PAPPA2: variants seen among roughly 807,000 people sequenced by gnomAD.
The protein encoded by PAPPA2 is pappalysin 2.
PAPPA2 carries 86 observed loss-of-function variants against 176.4 expected under a neutral mutation model. The ratio of observed to expected loss-of-function variants is 0.49; its 90% CI spans 0.41 to 0.58. The LOEUF is 0.58. Ranked by LOEUF, PAPPA2 falls within the 20% of genes least tolerant of loss-of-function variation. The pLI is 0.00. For missense variants in PAPPA2, 2,073 were observed against 2,256.9 expected, an observed-to-expected ratio of 0.92 and a Z score of 1.65; for synonymous variants, 809 against 852.2, an observed-to-expected ratio of 0.95 and a Z score of 0.88.
Position 176,594,956 on chromosome 1 carries a change from C to T in PAPPA2, c.1352C>T (p.Ala451Val), listed in dbSNP as rs34698817. 4.9e-4 allele frequency: 786 copies of T among 1,614,180 alleles called. 3 individuals carry two copies. The African/African-American group carries it at 7.4e-3, about 15-fold the overall frequency. ...SSQHSSGEEE[A>V]TDLVLTASFE... ...CAGCATTCAAGTGGGGAGGAGGAAG[C>T]GACTGACTTGGTCCTGACAGCGAGC... Residue 451 changes from alanine to valine, a missense_variant, in exon 3 of 23, where the codon GCG becomes GTG. Transcript: ENST00000367662.
intron 17 of PAPPA2, among the ~76,000 whole-genome samples, chr1:176,784,590 CT>C (rs146840671): frequency 1.7e-3 from 235 of 142,228 alleles, no homozygotes; most frequent in Admixed American, 1.8e-3. Context: ...AGATGATTCT[CT>C]TTTTTTTTTT....
intron 3 of PAPPA2, among the ~76,000 whole-genome samples, chr1:176,601,495 G>T (rs529032998): frequency 1.3e-5 from 2 of 152,156 alleles, no homozygotes; most frequent in Non-Finnish European, 2.9e-5. Context: ...CTATCAAAGG[G>T]AGAGTACTTA....
At chr1:176,623,973 TGG>T (rs1655862355) in intron 3 of PAPPA2, among the ~76,000 whole-genome samples, 1 of 151,780 alleles carries the variant, frequency 6.6e-6, no homozygotes, top group South Asian at 2.1e-4. Context: ...CCCAAGTAGC[TGG>T]GGCTACAGGT....
chr1:176,843,869 T>A lies in PAPPA2; in HGVS notation c.*1415T>A, dbSNP rs935932198. ...ATGTACAAAATCTGTGAGCCAGAGA[T>A]TTTGACTTGAGCAAGCCATGGAAAT... On this transcript the variant is annotated 3_prime_UTR_variant, in exon 23 of 23. Coordinates refer to ENST00000367662, the MANE Select transcript of PAPPA2 (RefSeq NM_020318.3). The A allele has an allele frequency of 6.6e-6, 1 of 152,070 alleles. No individual in the cohort carries two copies. Among genetic ancestry groups the A allele is most frequent in the Non-Finnish European group, 1.5e-5 (1 of 68,002 alleles). The allele number at this position is 152,070 out of a possible 1,614,324, so 9.4% of individuals were successfully genotyped here.
At chr1:176,812,022 C>T (rs1299683866) in intron 21 of PAPPA2, among the ~76,000 whole-genome samples, 1 of 152,042 alleles carries the variant, frequency 6.6e-6, no homozygotes, top group Non-Finnish European at 1.5e-5. Context: ...TTATGCTTGT[C>T]TAAAATTCCT....
At chr1:176,537,128 C>A (rs1043593210) in intron 1 of PAPPA2, among the ~76,000 whole-genome samples, 2 of 152,166 alleles carry the variant, frequency 1.3e-5, no homozygotes, top group African/African-American at 4.8e-5. Context: ...GATTTGTTTT[C>A]TAAAGGAAAC....
intron 21 of PAPPA2, among the ~76,000 whole-genome samples, chr1:176,805,820 C>A (rs902422261): frequency 3.3e-5 from 5 of 151,490 alleles, no homozygotes. Context: ...CTCATCTTTA[C>A]AAAAAAATGA....
intron 3 of PAPPA2, among the ~76,000 whole-genome samples, chr1:176,645,109 T>TTTTTG (rs1657322489): frequency 6.6e-6 from 1 of 151,864 alleles, no homozygotes; most frequent in Non-Finnish European, 1.5e-5. Flanking sequence ...TGAATTATTC[T>TTTTTG]TTTTTAGTTA....
At chr1:176,567,225 C>T (rs1652041480) in intron 2 of PAPPA2, among the ~76,000 whole-genome samples, 1 of 152,316 alleles carries the variant, frequency 6.6e-6, no homozygotes, top group Non-Finnish European at 1.5e-5. Flanking sequence ...CAAACAAAAA[C>T]ATCCTAGTTC....
chr1:176,623,806 T>TCTTTCTTTCTTC (rs1454350928), intron 3 of PAPPA2, among the ~76,000 whole-genome samples: 3 of 110,074 alleles, frequency 2.7e-5, no homozygotes, highest in Non-Finnish European at 5.8e-5. Flanking sequence ...TTTCTTTCTT[T>TCTTTCTTTCTTC]CTTCTTTCTT....
At chr1:176,763,414 A>G (rs555927734) in intron 14 of PAPPA2, among the ~76,000 whole-genome samples, 3 of 152,244 alleles carry the variant, frequency 2.0e-5, no homozygotes, top group Non-Finnish European at 4.4e-5. Flanking sequence ...ATGGTGGAGC[A>G]AGATGGTTGA....
intron 3 of PAPPA2, among the ~76,000 whole-genome samples, chr1:176,627,185 A>G (rs1656077243): frequency 6.6e-6 from 1 of 152,134 alleles, no homozygotes; most frequent in African/African-American, 2.4e-5. Context: ...TAATTACTCA[A>G]GTGATTTTAG....
At chr1:176,567,884 T>C (rs989765954) in intron 2 of PAPPA2, among the ~76,000 whole-genome samples, 14 of 152,148 alleles carry the variant, frequency 9.2e-5, no homozygotes, top group Admixed American at 9.2e-4. Context: ...TTTCAAAGTG[T>C]CAAATGGCAC....
At chr1:176,677,586 A>G (rs781647493) in intron 4 of PAPPA2, among the ~76,000 whole-genome samples, 3 of 152,188 alleles carry the variant, frequency 2.0e-5, no homozygotes, top group Non-Finnish European at 4.4e-5. Context: ...TTGAAAACAT[A>G]TCTTTAAAAG....
At chr1:176,526,658 A>T (rs1341142624) in intron 1 of PAPPA2, among the ~76,000 whole-genome samples, 1 of 152,188 alleles carries the variant, frequency 6.6e-6, no homozygotes, top group Non-Finnish European at 1.5e-5. Context: ...TCCCCTGACT[A>T]ATAAAGCTGC....
At chr1:176,519,821 A>G (rs1312489909) in intron 1 of PAPPA2, among the ~76,000 whole-genome samples, 1 of 152,186 alleles carries the variant, frequency 6.6e-6, no homozygotes, top group African/African-American at 2.4e-5. Flanking sequence ...CAGACAGTGA[A>G]GTTGAAAGTT....
intron 1 of PAPPA2, among the ~76,000 whole-genome samples, chr1:176,540,023 C>T (rs1650284359): frequency 1.3e-5 from 2 of 152,180 alleles, no homozygotes; most frequent in Admixed American, 1.3e-4. Context: ...CTGGGAAGGA[C>T]TCCACCTTCT....
chr1:176,605,677 G>T (rs1654568545), intron 3 of PAPPA2, among the ~76,000 whole-genome samples: 2 of 152,138 alleles, frequency 1.3e-5, no homozygotes, highest in Admixed American at 1.3e-4. Flanking sequence ...AGTGTCAACT[G>T]GCCTAACTCA....
chr1:176,692,053 A>G, intron 5 of PAPPA2, 73 bp from the exon 6 acceptor site: 4 of 1,436,804 alleles, frequency 2.8e-6, no homozygotes, highest in Non-Finnish European at 3.8e-6. Context: ...ACAAGACACA[A>G]ATTTATCCCT....
Sources: gnomAD v4.1 joint callset for allele counts (sites outside exome capture counted in the v4.1 genomes callset) on GRCh38, gnomAD v4.1.1 for gene constraint, MANE v1.5 for transcripts, NCBI Gene and HGNC (gene_info 2026-07-23, HGNC 2026-07-21) for gene names.